Variants in B3GALT1 observed in about 807,000 individuals in gnomAD.
The protein encoded by B3GALT1 is UDP-Gal:betaGlcNAc beta 1,3-galactosyltransferase, polypeptide 1.
A neutral mutation model predicts 23.2 loss-of-function variants in B3GALT1; 10 were observed. The observed-to-expected ratio is 0.43, with a 90% CI of 0.27 to 0.73. The LOEUF is 0.73. Ranked by LOEUF, B3GALT1 falls within the 30% of genes least tolerant of loss-of-function variation. B3GALT1 has a pLI of 0.21. For synonymous variants in B3GALT1, 156 were observed against 141.5 expected (o/e 1.10, Z -0.73); for missense variants, 299 against 405.4 (o/e 0.74, Z 2.25).
At chr2:167,449,042 A>G (rs1699048232) in intron 1 of B3GALT1, among the ~76,000 whole-genome samples, 1 of 151,898 alleles carries the variant, frequency 6.6e-6, no homozygotes, top group Non-Finnish European at 1.5e-5. Context: ...ATGCCTTCAG[A>G]TTTGTTATTT....
At chr2:167,500,288 T>G (rs1699833886) in intron 2 of B3GALT1, among the ~76,000 whole-genome samples, 1 of 152,162 alleles carries the variant, frequency 6.6e-6, no homozygotes, top group Non-Finnish European at 1.5e-5. Context: ...GCAAGAAAAT[T>G]TATTTAGAAA....
rs569501938 is a variant in B3GALT1, at chr2:167,818,793, G to A, written c.-230G>A. Reference sequence around the variant, plus strand: ...AAAACACAGCACGCTGGAGCCAACAGGTAGGCGAGAAACCAGGTAGGCGAG... The same window carrying A: ...AAAACACAGCACGCTGGAGCCAACAAGTAGGCGAGAAACCAGGTAGGCGAG... On this transcript the variant is annotated splice_region_variant and 5_prime_UTR_variant, in exon 4 of 5. Coordinates refer to ENST00000392690, the MANE Select transcript of B3GALT1 (RefSeq NM_020981.4). 6.6e-6 allele frequency among the ~76,000 whole-genome samples: 1 copy of A among 152,150 alleles called. No individual in the cohort carries two copies. Among genetic ancestry groups the A allele is most frequent in the African/African-American group, 2.4e-5 (1 of 41,500 alleles).
intron 2 of B3GALT1, among the ~76,000 whole-genome samples, chr2:167,609,446 G>C (rs12612088): frequency 0.75 from 114,371 of 151,990 alleles, 43,466 homozygotes; most frequent in Admixed American, 0.84. Context: ...AGGGTGGGAC[G>C]AGTGGCTCAA....
intron 1 of B3GALT1, among the ~76,000 whole-genome samples, chr2:167,389,173 T>C (rs1396381359): frequency 6.6e-6 from 1 of 152,158 alleles, no homozygotes; most frequent in Admixed American, 6.5e-5. Context: ...ATGAATATTT[T>C]TGATGGTGAA....
At chr2:167,826,507 C>T (rs897703887) in intron 4 of B3GALT1, among the ~76,000 whole-genome samples, 3 of 152,282 alleles carry the variant, frequency 2.0e-5, no homozygotes, top group African/African-American at 7.2e-5. Context: ...GTCTCTGAGG[C>T]TTAAACCCTT....
chr2:167,813,984 C>T (rs1275392007), intron 3 of B3GALT1, among the ~76,000 whole-genome samples: 1 of 152,198 alleles, frequency 6.6e-6, no homozygotes, highest in African/African-American at 2.4e-5. Context: ...CTTCTGCACC[C>T]TAAACTGGCT....
chr2:167,434,966 T>A (rs1181663881), intron 1 of B3GALT1, among the ~76,000 whole-genome samples: 3 of 152,110 alleles, frequency 2.0e-5, no homozygotes, highest in African/African-American at 7.2e-5. Context: ...TTTAAAATTA[T>A]AATGTAACTT....
At chr2:167,460,737 C>T (rs1169355576) in intron 1 of B3GALT1, among the ~76,000 whole-genome samples, 1 of 151,760 alleles carries the variant, frequency 6.6e-6, no homozygotes, top group Non-Finnish European at 1.5e-5. Flanking sequence ...ATTGATTCTT[C>T]CTCTTTCCCA....
chr2:167,449,529 A>G (rs1169164120), intron 1 of B3GALT1, among the ~76,000 whole-genome samples: 3 of 152,194 alleles, frequency 2.0e-5, no homozygotes, highest in African/African-American at 7.2e-5. Flanking sequence ...ATATGATCAT[A>G]TCATCAGCAA....
chr2:167,488,825 A>C (rs1056930702), intron 1 of B3GALT1, among the ~76,000 whole-genome samples: 15 of 152,144 alleles, frequency 9.9e-5, no homozygotes, highest in African/African-American at 3.6e-4. Flanking sequence ...TATAAATGTA[A>C]CTATATAGTA....
chr2:167,636,672 C>T lies in B3GALT1; in HGVS notation c.-409-10237C>T, dbSNP rs757081160. ...ATGCAGTCATAAAAAAGGATACGTT[C>T]ATGTCTTTTGCAGGGACATGGATGA... On this transcript the variant is annotated intron_variant, in intron 2 of 4. Coordinates refer to ENST00000392690, the MANE Select transcript of B3GALT1 (RefSeq NM_020981.4). Among the ~76,000 whole-genome samples, 66 of 152,202 alleles carry T rather than the reference C, an allele frequency of 4.3e-4. 1 individual carries two copies. The highest frequency in any genetic ancestry group is 7.2e-4 in the Non-Finnish European group (49 of 68,010).
chr2:167,529,339 G>A (rs1683280296), intron 2 of B3GALT1, among the ~76,000 whole-genome samples: 1 of 151,694 alleles, frequency 6.6e-6, no homozygotes, highest in Non-Finnish European at 1.5e-5. Flanking sequence ...CTTATCATAT[G>A]TACCAAAATA....
intron 4 of B3GALT1, among the ~76,000 whole-genome samples, chr2:167,867,475 G>A (rs1235559330): frequency 5.3e-5 from 8 of 152,164 alleles, no homozygotes; most frequent in South Asian, 4.2e-4. Flanking sequence ...TAGTTAGAAC[G>A]GTAACCACAC....
chr2:167,404,036 G>A lies in B3GALT1; in HGVS notation c.-510-86141G>A, dbSNP rs183584210. On this transcript the variant is annotated intron_variant, in intron 1 of 4. Transcript: ENST00000392690. ...ATTGTGAAGAAGAGAGGTTTATTTT[G>A]CTCACAGTTCTTCAGGCTGTACAAG... Among the ~76,000 whole-genome samples, 33 of 152,106 alleles carry A rather than the reference G, an allele frequency of 2.2e-4. No homozygotes were observed. The East Asian group carries it at 3.3e-3, about 15-fold the overall frequency.
intron 1 of B3GALT1, among the ~76,000 whole-genome samples, chr2:167,481,215 T>G (rs911137438): frequency 8.4e-6 from 1 of 119,080 alleles, no homozygotes; most frequent in Admixed American, 8.8e-5. Context: ...TGCTTATATA[T>G]GGTAAAAAAA....
At chr2:167,775,218 AAATT>A (rs1690837431) in intron 3 of B3GALT1, among the ~76,000 whole-genome samples, 1 of 152,358 alleles carries the variant, frequency 6.6e-6, no homozygotes, top group Admixed American at 6.5e-5. Flanking sequence ...GAAAATAAAT[AAATT>A]ATGGTACATC....
intron 1 of B3GALT1, among the ~76,000 whole-genome samples, chr2:167,310,127 G>C (rs560381200): frequency 2.6e-4 from 39 of 152,128 alleles, no homozygotes; most frequent in African/African-American, 8.9e-4. Context: ...TATCTCAAAA[G>C]CAATAGACAA....
At position 167,475,833 on chromosome 2, in the gene B3GALT1, A is replaced by G. The variant is rs547817323; in HGVS notation, c.-510-14344A>G. ...GCAGGGTGGGTTCCTTCTGAAGGCC[A>G]TGAGGGAGAATATGTTCCAGGCCTC... On this transcript the variant is annotated intron_variant, in intron 1 of 4. Transcript: ENST00000392690. 8.2e-4 allele frequency among the ~76,000 whole-genome samples: 125 copies of G among 152,260 alleles called. 1 individual carries two copies. Among genetic ancestry groups the G allele is most frequent in the Non-Finnish European group, 1.2e-3 (84 of 68,006 alleles).
chr2:167,718,850 A>T (rs181828678), intron 3 of B3GALT1, among the ~76,000 whole-genome samples: 1 of 152,276 alleles, frequency 6.6e-6, no homozygotes, highest in East Asian at 1.9e-4. Flanking sequence ...TGACCTTTCT[A>T]ATAAGTTTTA....
Sources: gnomAD v4.1 joint callset for allele counts (sites outside exome capture counted in the v4.1 genomes callset) on GRCh38, gnomAD v4.1.1 for gene constraint, MANE v1.5 for transcripts, NCBI Gene and HGNC (gene_info 2026-07-23, HGNC 2026-07-21) for gene names.